Variants in FOXP1 observed in about 807,000 individuals in gnomAD.
The protein encoded by FOXP1 is forkhead box P1.
In FOXP1, 15 loss-of-function variants were observed where a neutral mutation model predicts 98.2. The ratio of observed to expected loss-of-function variants is 0.15; its 90% CI spans 0.10 to 0.24. The LOEUF (loss-of-function observed/expected upper bound fraction) is 0.24, where lower values mean the gene tolerates loss of function less well. Ranked by LOEUF, FOXP1 falls within the 10% of genes least tolerant of loss-of-function variation. FOXP1 has a pLI of 1.00. For synonymous variants in FOXP1, 371 were observed against 314.5 expected (o/e 1.18, Z -1.90); for missense variants, 633 against 848.5 (o/e 0.75, Z 3.15).
intron 13 of FOXP1, among the ~76,000 whole-genome samples, chr3:71,000,204 C>T (rs771176494): frequency 2.0e-5 from 3 of 151,996 alleles, no homozygotes; most frequent in Non-Finnish European, 4.4e-5. Flanking sequence ...AAGGCCCCAT[C>T]TCTCACACTG....
chr3:71,494,204 G>T (rs890447678), intron 2 of FOXP1, among the ~76,000 whole-genome samples: 1 of 152,260 alleles, frequency 6.6e-6, no homozygotes, highest in East Asian at 1.9e-4. Context: ...CACTAGTGTG[G>T]CCCCAGGAGA....
rs114604164 is a variant in FOXP1 at position 71,519,579 on chromosome 3, C to T, written c.-297-26024G>A. Among the ~76,000 whole-genome samples, 974 of 152,328 alleles carry T rather than the reference C, an allele frequency of 6.4e-3. 15 individuals carry two copies. The highest frequency in any genetic ancestry group is 0.023 in the African/African-American group (940 of 41,564). ...ACTTTCCTGGGCATTGTCTTCCCAT[C>T]ACTTCTCTGGTTCCACGCAACAGAT... is the stretch of plus-strand genomic sequence containing the variant. On this transcript the variant is annotated intron_variant, in intron 2 of 20. Transcript: ENST00000649528.
At chr3:71,434,517 T>C (rs2085030693) in intron 3 of FOXP1, among the ~76,000 whole-genome samples, 1 of 152,090 alleles carries the variant, frequency 6.6e-6, no homozygotes, top group Non-Finnish European at 1.5e-5. Context: ...TTATGTACAC[T>C]TGTGCAAATT....
At chr3:70,967,704 TTTTTTG>T (rs1159018547) in intron 19 of FOXP1, among the ~76,000 whole-genome samples, 8 of 101,630 alleles carry the variant, frequency 7.9e-5, no homozygotes, top group African/African-American at 2.8e-4. Flanking sequence ...TTTTTTGTTT[TTTTTTG>T]TTTTTTTTTT....
chr3:71,386,077 C>T (rs191522704), intron 3 of FOXP1, among the ~76,000 whole-genome samples: 1 of 152,190 alleles, frequency 6.6e-6, no homozygotes, highest in Non-Finnish European at 1.5e-5. Flanking sequence ...GTCTTTCACA[C>T]CAAGTACCGC....
intron 3 of FOXP1, among the ~76,000 whole-genome samples, chr3:71,430,973 A>G: frequency 6.6e-6 from 1 of 152,086 alleles, no homozygotes; most frequent in East Asian, 1.9e-4. Flanking sequence ...TATATGAAAC[A>G]CTTTCCTAGA....
At chr3:71,177,840 C>CTTTTTTTTTTTTTTTTT (rs397704711) in intron 6 of FOXP1, among the ~76,000 whole-genome samples, 6 of 114,942 alleles carry the variant, frequency 5.2e-5, no homozygotes, top group African/African-American at 1.1e-4. Flanking sequence ...TTCTTTCTTT[C>CTTTTTTTTTTTTTTTTT]TTTTTTTTTT....
chr3:71,304,687 AGAGT>A (rs2074130682), intron 4 of FOXP1: 1 of 152,226 alleles, frequency 6.6e-6, no homozygotes. Flanking sequence ...ACAATTAGAT[AGAGT>A]ATTTGTAATT....
chr3:71,028,241 G>C (rs572109832), intron 11 of FOXP1, among the ~76,000 whole-genome samples: 17 of 152,294 alleles, frequency 1.1e-4, no homozygotes, highest in African/African-American at 3.9e-4. Flanking sequence ...TCTGAAACCT[G>C]TATTTTCCTA....
At chr3:71,286,400 G>A (rs2072144488) in intron 5 of FOXP1, among the ~76,000 whole-genome samples, 1 of 139,422 alleles carries the variant, frequency 7.2e-6, no homozygotes, top group African/African-American at 2.7e-5. Context: ...TAATCAATTA[G>A]TAACTATATC....
chr3:71,267,956 T>C (rs72628626), intron 5 of FOXP1, among the ~76,000 whole-genome samples: 16,846 of 147,790 alleles, frequency 0.11, 1,081 homozygotes, highest in East Asian at 0.25. Context: ...AGATGGAGGT[T>C]GCAGTGAGCT....
At chr3:71,481,650 T>C (rs2090285950) in intron 3 of FOXP1, among the ~76,000 whole-genome samples, 3 of 152,238 alleles carry the variant, frequency 2.0e-5, no homozygotes, top group South Asian at 4.1e-4. Flanking sequence ...CTTTGGTTCA[T>C]AAATTCTGAC....
At chr3:71,117,601 A>G (rs1018746668) in intron 6 of FOXP1, among the ~76,000 whole-genome samples, 1 of 152,092 alleles carries the variant, frequency 6.6e-6, no homozygotes, top group Non-Finnish European at 1.5e-5. Flanking sequence ...AAGCAGCAGA[A>G]AGAGAGAGAC....
chr3:71,267,844 C>G (rs1271280499), intron 5 of FOXP1, among the ~76,000 whole-genome samples: 1 of 151,712 alleles, frequency 6.6e-6, no homozygotes, highest in Non-Finnish European at 1.5e-5. Flanking sequence ...ATGGTGAAAC[C>G]CTGTCTCTAC....
chr3:71,529,263 T>C (rs535486299), intron 2 of FOXP1, among the ~76,000 whole-genome samples: 140 of 152,258 alleles, frequency 9.2e-4, no homozygotes, highest in Admixed American at 2.6e-3. Context: ...CAATATTCTC[T>C]TCATGTTGAT....
chr3:71,225,064 A>C (rs2065728050), intron 5 of FOXP1, among the ~76,000 whole-genome samples: 1 of 152,228 alleles, frequency 6.6e-6, no homozygotes, highest in African/African-American at 2.4e-5. Flanking sequence ...AATATTCACA[A>C]AGCCAGACTG....
At chr3:71,383,928 T>TACAAGGCTGGCGGGCGCGGTGGC (rs2080369034) in intron 3 of FOXP1, among the ~76,000 whole-genome samples, 1 of 152,126 alleles carries the variant, frequency 6.6e-6, no homozygotes, top group African/African-American at 2.4e-5. Context: ...TGTGCAAACA[T>TACAAGGCTGGCGGGCGCGGTGGC]ACAAGGCTGG....
At chr3:70,960,783 A>C (rs1249402034) in intron 20 of FOXP1, among the ~76,000 whole-genome samples, 2 of 152,186 alleles carry the variant, frequency 1.3e-5, no homozygotes, top group Non-Finnish European at 2.9e-5. Flanking sequence ...AATTGACTCT[A>C]AAATTAGCAC....
At chr3:71,442,886 A>AT (rs60028789) in intron 3 of FOXP1, among the ~76,000 whole-genome samples, 16 of 151,208 alleles carry the variant, frequency 1.1e-4, no homozygotes, top group East Asian at 5.8e-4. Flanking sequence ...ATCTTTTTTT[A>AT]TTTTTTTTTT....
Sources: gnomAD v4.1 joint callset for allele counts (sites outside exome capture counted in the v4.1 genomes callset) on GRCh38, gnomAD v4.1.1 for gene constraint, MANE v1.5 for transcripts, NCBI Gene and HGNC (gene_info 2026-07-23, HGNC 2026-07-21) for gene names.